The following CFAP206 variants were observed in gnomAD, a reference collection of about 807,000 sequenced individuals.
CFAP206 encodes cilia and flagella associated protein 206, also known as cilia- and flagella-associated protein 206.
A neutral mutation model predicts 65.4 loss-of-function variants in CFAP206; 53 were observed. The ratio of observed to expected loss-of-function variants is 0.81; its 90% CI spans 0.65 to 1.02. The LOEUF is 1.02. Among genes scored for constraint, CFAP206 ranks in the 50% least tolerant of loss-of-function variants. The probability of loss-of-function intolerance (pLI) is 0.00; values close to 1 mark genes in which losing one functional copy is unlikely to be tolerated. For synonymous variants in CFAP206, 250 were observed against 254.4 expected (o/e 0.98, Z 0.17); for missense variants, 663 against 753.2 (o/e 0.88, Z 1.40).
At chr6:87,440,575 G>A (rs538262821) in intron 11 of CFAP206, among the ~76,000 whole-genome samples, 4 of 152,210 alleles carry the variant, frequency 2.6e-5, no homozygotes, top group East Asian at 1.9e-4. Flanking sequence ...TGTTAAAATC[G>A]TAATATGCAA....
intron 5 of CFAP206, 142 bp downstream of exon 5, chr6:87,416,016 A>C (rs1469747141): frequency 1.6e-6 from 1 of 638,966 alleles, no homozygotes; most frequent in African/African-American, 1.9e-5. Flanking sequence ...AAATGAGTTA[A>C]AATGTACCCA....
Position 87,451,876 on chromosome 6 carries a change from G to GA in CFAP206, c.1495-9132dup, listed in dbSNP as rs57932058. On this transcript the variant is annotated intron_variant, in intron 11 of 12. Coordinates refer to ENST00000369562, the MANE Select transcript of CFAP206 (RefSeq NM_001031743.3). ...GACAGAGCGAGACTCCATCTCAAAA[G>GA]AAAAAAAAAAAAAATTCCGCTTCCC... Among the ~76,000 whole-genome samples, 996 of 139,156 alleles carry GA rather than the reference G, an allele frequency of 7.2e-3. 6 individuals carry two copies. The highest frequency in any genetic ancestry group is 0.013 in the African/African-American group (478 of 37,482). The allele number at this position is 139,156 out of a possible 152,430, so 91.3% of individuals were successfully genotyped here.
In CFAP206 at chr6:87,441,949, CT is replaced by C. The variant is rs140451621; in HGVS notation, c.1494+6897del. The C allele has an allele frequency of 9.3e-3, 2,545 of 274,496 alleles. 59 individuals carry two copies. The highest frequency in any genetic ancestry group is 0.053 in the African/African-American group (2,340 of 44,122). 17.0% of individuals were successfully genotyped at this position (274,496 alleles called of 1,614,324 possible). On this transcript the variant is annotated intron_variant, in intron 11 of 12. Coordinates refer to ENST00000369562, the MANE Select transcript of CFAP206 (RefSeq NM_001031743.3). Reference sequence around the variant, plus strand: ...ATGTCTCTTGGAGATAAACGTGCTACTGTCACTGAGTACATAAGCTTCCTGA... The same window carrying C: ...ATGTCTCTTGGAGATAAACGTGCTACGTCACTGAGTACATAAGCTTCCTGA...
At chr6:87,415,322 A>T (rs965966782) in intron 4 of CFAP206, among the ~76,000 whole-genome samples, 1 of 149,804 alleles carries the variant, frequency 6.7e-6, no homozygotes, top group African/African-American at 2.4e-5. Context: ...GTATATATTT[A>T]TTTTTTCATA....
At chr6:87,418,039 A>G (rs1172027596) in intron 6 of CFAP206, among the ~76,000 whole-genome samples, 169 bp from the exon 7 acceptor site, 1 of 152,038 alleles carries the variant, frequency 6.6e-6, no homozygotes, top group Non-Finnish European at 1.5e-5. Context: ...CCCCCGGCCT[A>G]GATTTTCTTT....
chr6:87,459,592 G>T (rs760866135), intron 11 of CFAP206, among the ~76,000 whole-genome samples: 7 of 152,162 alleles, frequency 4.6e-5, no homozygotes, highest in Non-Finnish European at 5.9e-5. Context: ...CACATTTATA[G>T]ATCAGGAATA....
intron 7 of CFAP206, among the ~76,000 whole-genome samples, chr6:87,424,280 A>AT (rs947000183): frequency 1.2e-3 from 185 of 151,536 alleles, no homozygotes; most frequent in Non-Finnish European, 2.2e-3. Context: ...AAATATAATT[A>AT]TTTTTTTTTA....
At chr6:87,458,974 C>T (rs2127957707) in intron 11 of CFAP206, among the ~76,000 whole-genome samples, 1 of 152,028 alleles carries the variant, frequency 6.6e-6, no homozygotes, top group Non-Finnish European at 1.5e-5. Context: ...AAAATACCAC[C>T]AAATTAAGTT....
intron 11 of CFAP206, among the ~76,000 whole-genome samples, chr6:87,437,712 AT>A (rs1768296962): frequency 6.6e-6 from 1 of 151,560 alleles, no homozygotes; most frequent in South Asian, 2.1e-4. Context: ...CTGGAGTGCA[AT>A]GACATGAACA....
intron 8 of CFAP206, among the ~76,000 whole-genome samples, chr6:87,427,433 C>G (rs1441249111): frequency 6.6e-6 from 1 of 152,144 alleles, no homozygotes; most frequent in Non-Finnish European, 1.5e-5. Context: ...GCCACTGCGC[C>G]CAGCCTATAT....
chr6:87,464,416 A>C lies in CFAP206; in HGVS notation c.*166A>C. 2 of 454,296 alleles carry C rather than the reference A, an allele frequency of 4.4e-6. No individual in the cohort carries two copies. The highest frequency in any genetic ancestry group is 6.7e-5 in the South Asian group (1 of 14,904). The allele number at this position is 454,296 out of a possible 1,614,324, so 28.1% of individuals were successfully genotyped here. On this transcript the variant is annotated 3_prime_UTR_variant, in exon 13 of 13. Coordinates refer to ENST00000369562, the MANE Select transcript of CFAP206 (RefSeq NM_001031743.3). ...TTTATCAAACTGTTTTCTGTAACAC[A>C]TTTTTCATTCTGTTGAAATTGAAAA...
rs993241810 is a variant in CFAP206 at position 87,461,279 on chromosome 6, T to C, written c.1638+114T>C. On this transcript the variant is annotated intron_variant, in intron 12 of 12. Coordinates refer to ENST00000369562, the MANE Select transcript of CFAP206 (RefSeq NM_001031743.3). ...ATAAAATAATGAGTTTTATACAGAG[T>C]TCTTTGCTAACAAAAATATAATTTA... The C allele has an allele frequency of 6.3e-6, 4 of 631,024 alleles. No individual in the cohort carries two copies. In the African/African-American group the frequency reaches 7.7e-5, roughly 12 times the overall value. 39.1% of individuals were successfully genotyped at this position (631,024 alleles called of 1,614,324 possible). A position where few individuals can be genotyped will look rare whatever the true frequency, so the allele number is the denominator to read the frequency against.
chr6:87,428,177 G>A (rs1051780711), intron 8 of CFAP206, among the ~76,000 whole-genome samples: 1 of 151,738 alleles, frequency 6.6e-6, no homozygotes, highest in African/African-American at 2.4e-5. Flanking sequence ...TAGTAGAGAC[G>A]GGGTTTTGCC....
intron 11 of CFAP206, among the ~76,000 whole-genome samples, chr6:87,454,704 G>A (rs1582151704): frequency 6.6e-6 from 1 of 150,998 alleles, no homozygotes; most frequent in South Asian, 2.1e-4. Context: ...AAATATCCAG[G>A]TGTGGTGGTG....
At chr6:87,459,533 G>T (rs914335640) in intron 11 of CFAP206, among the ~76,000 whole-genome samples, 2 of 152,048 alleles carry the variant, frequency 1.3e-5, no homozygotes, top group Non-Finnish European at 2.9e-5. Flanking sequence ...ATCAATGAGG[G>T]GACCAGGTAG....
chr6:87,463,880 A>C, intron 12 of CFAP206, 140 bp from the exon 13 acceptor site: 1 of 537,934 alleles, frequency 1.9e-6, no homozygotes, highest in Admixed American at 3.4e-5. Context: ...CCAATGTTTT[A>C]TAGAAAAAAT....
chr6:87,460,722 C>G (rs1277247962), intron 11 of CFAP206, among the ~76,000 whole-genome samples: 1 of 152,000 alleles, frequency 6.6e-6, no homozygotes, highest in Non-Finnish European at 1.5e-5. Context: ...CCTCGAATCT[C>G]AGCATTGTGC....
At chr6:87,415,301 A>G (rs983169075) in intron 4 of CFAP206, among the ~76,000 whole-genome samples, 2 of 150,558 alleles carry the variant, frequency 1.3e-5, no homozygotes, top group African/African-American at 4.9e-5. Context: ...TATAGCATAA[A>G]TATATAATAT....
chr6:87,416,228 T>C (rs992186483), intron 5 of CFAP206, among the ~76,000 whole-genome samples: 2 of 152,164 alleles, frequency 1.3e-5, no homozygotes, highest in African/African-American at 4.8e-5. Context: ...ATGAAAGAAA[T>C]TGAGTCTGTC....
Sources: allele counts gnomAD v4.1 joint callset (sites outside exome capture counted in the v4.1 genomes callset), GRCh38; gene constraint gnomAD v4.1.1; transcripts MANE v1.5; gene names NCBI Gene and HGNC (gene_info 2026-07-23, HGNC 2026-07-21).